Variants in POLA1 observed in about 807,000 individuals in gnomAD.
POLA1 encodes the protein DNA polymerase alpha catalytic subunit.
A neutral mutation model predicts 124.0 loss-of-function variants in POLA1; 15 were observed. The observed-to-expected ratio is 0.12, with a 90% CI of 0.08 to 0.19. The LOEUF (loss-of-function observed/expected upper bound fraction) is 0.19, where lower values mean the gene tolerates loss of function less well. Among genes scored for constraint, POLA1 ranks in the 10% least tolerant of loss-of-function variants. The pLI, the probability that POLA1 is intolerant of heterozygous loss-of-function variation, is 1.00. For synonymous variants in POLA1, 408 were observed against 389.4 expected, an observed-to-expected ratio of 1.05 and a Z score of -0.56; for missense variants, 886 against 1,103.4, an observed-to-expected ratio of 0.80 and a Z score of 2.79.
At position 24,727,087 on chromosome X, in the gene POLA1, T is replaced by C. The variant is rs774533463; in HGVS notation, c.1531+16T>C. On this transcript the variant is annotated intron_variant, in intron 14 of 36. Transcript: ENST00000379068. ...AAAAGTCCACGTAAGGAAAAATACA[T>C]GCTCAGAATGCTGAATAGATTGCTG... The C allele has an allele frequency of 3.4e-5, 40 of 1,161,439 alleles. No individual in the cohort carries two copies. Among genetic ancestry groups the C allele is most frequent in the Non-Finnish European group, 4.0e-5 (34 of 859,595 alleles).
chrX:24,797,625 TGA>T (rs1473084356), intron 26 of POLA1, among the ~76,000 whole-genome samples: 1 of 112,268 alleles, frequency 8.9e-6, no homozygotes, highest in Non-Finnish European at 1.9e-5. Context: ...GTCTAGCACA[TGA>T]GAAGAGTTTA....
chrX:24,733,810 GA>G lies in POLA1; in HGVS notation c.1832del (p.Lys611ArgfsTer3). 1 of 1,112,165 alleles carries G rather than the reference GA, an allele frequency of 9.0e-7. No homozygotes were observed. Among genetic ancestry groups the G allele is most frequent in the Non-Finnish European group, 1.2e-6 (1 of 811,611 alleles). 91.7% of individuals were successfully genotyped at this position (1,112,165 alleles called of 1,213,427 possible). ...FPYAFKEVIE[K>X]KNVKVEVAAT... ...CATATGCTTTCAAAGAAGTCATTGAGAAAAAGGTAAAGTGCTCATTATATGA... is the reference window on the plus strand; with the variant it reads ...CATATGCTTTCAAAGAAGTCATTGAGAAAAGGTAAAGTGCTCATTATATGA... On this transcript the variant is annotated frameshift_variant, in exon 17 of 37. Coordinates refer to ENST00000379068, the MANE Select transcript of POLA1 (RefSeq NM_001330360.2). LOFTEE classifies it high-confidence loss of function.
intron 24 of POLA1, among the ~76,000 whole-genome samples, chrX:24,747,187 T>C (rs915099627): frequency 4.6e-5 from 5 of 107,674 alleles, no homozygotes; most frequent in African/African-American, 1.4e-4. Context: ...TTTTTGGAGA[T>C]GGAATTTCGC....
At chrX:24,753,049 T>C (rs1397679900) in intron 26 of POLA1, among the ~76,000 whole-genome samples, 2 of 110,574 alleles carry the variant, frequency 1.8e-5, no homozygotes, top group Non-Finnish European at 3.8e-5. Flanking sequence ...TCTCTCTCTG[T>C]TGCCCAGGCT....
At position 24,996,937 on chromosome X, in the gene POLA1, A is replaced by G. The variant is rs1157220038; in HGVS notation, c.*987A>G. ...ATTGACCTGTGTGTTTTTATAAAAGAAAAAGTATGTTGTGCCTTCTTCTTA... is the reference window on the plus strand; with the variant it reads ...ATTGACCTGTGTGTTTTTATAAAAGGAAAAGTATGTTGTGCCTTCTTCTTA... On this transcript the variant is annotated 3_prime_UTR_variant, in exon 37 of 37. Coordinates refer to ENST00000379068, the MANE Select transcript of POLA1 (RefSeq NM_001330360.2). The G allele has an allele frequency of 8.9e-6, 1 of 112,047 alleles. No homozygotes were observed. Among genetic ancestry groups the G allele is most frequent in the African/African-American group, 3.2e-5 (1 of 30,772 alleles). 9.2% of individuals were successfully genotyped at this position (112,047 alleles called of 1,213,427 possible). A position where few individuals can be genotyped will look rare whatever the true frequency, so the allele number is the denominator to read the frequency against.
chrX:24,793,180 G>A (rs2045539084), intron 26 of POLA1, among the ~76,000 whole-genome samples: 1 of 104,100 alleles, frequency 9.6e-6, no homozygotes, highest in African/African-American at 3.5e-5. Context: ...GGGAGGCTGA[G>A]GCAGGAGAAT....
chrX:24,887,853 CTAAT>C (rs1223071714), intron 34 of POLA1, among the ~76,000 whole-genome samples, 149 bp from the exon 35 acceptor site: 6 of 106,233 alleles, frequency 5.6e-5, no homozygotes, highest in African/African-American at 2.1e-4. Context: ...ATAGATCTAT[CTAAT>C]TAACATGTCA....
At chrX:24,915,774 GGGGGT>G (rs2047520632) in intron 35 of POLA1, among the ~76,000 whole-genome samples, 1 of 111,730 alleles carries the variant, frequency 9.0e-6, no homozygotes, top group Non-Finnish European at 1.9e-5. Flanking sequence ...CATATTTCAG[GGGGGT>G]GCATTACTTT....
At chrX:24,792,616 C>T (rs771948592) in intron 26 of POLA1, among the ~76,000 whole-genome samples, 1 of 111,955 alleles carries the variant, frequency 8.9e-6, no homozygotes, top group Non-Finnish European at 1.9e-5. Context: ...GCTAGCTTTC[C>T]TGCTTATGTT....
At chrX:24,869,858 G>A (rs1031146820) in intron 34 of POLA1, among the ~76,000 whole-genome samples, 2 of 111,241 alleles carry the variant, frequency 1.8e-5, no homozygotes, top group African/African-American at 6.5e-5. Context: ...CGCTCCAGGT[G>A]TCCCAGGTAA....
At chrX:24,874,913 A>G (rs769523232) in intron 34 of POLA1, among the ~76,000 whole-genome samples, 8 of 112,070 alleles carry the variant, frequency 7.1e-5, no homozygotes, top group South Asian at 7.4e-4. Context: ...GATGGGTTTT[A>G]TATTGAGTGC....
chrX:24,827,646 G>A (rs749142835), intron 32 of POLA1, among the ~76,000 whole-genome samples: 104 of 112,028 alleles, frequency 9.3e-4, no homozygotes, highest in African/African-American at 3.1e-3. Flanking sequence ...ATAGGGACCC[G>A]GGTTTCAGTG....
At chrX:24,984,511 C>A (rs1200131881) in intron 36 of POLA1, among the ~76,000 whole-genome samples, 2 of 111,054 alleles carry the variant, frequency 1.8e-5, no homozygotes, top group Non-Finnish European at 3.8e-5. Flanking sequence ...ACATGGCCTA[C>A]CATCAACGTT....
intron 22 of POLA1, 50 bp downstream of exon 22, chrX:24,742,171 C>A (rs201164972): frequency 5.3e-6 from 3 of 571,191 alleles, no homozygotes; most frequent in Non-Finnish European, 5.2e-6. Context: ...CCCCCCCCCC[C>A]TTTTAATACC....
chrX:24,922,224 G>A (rs989167289), intron 35 of POLA1, among the ~76,000 whole-genome samples: 3 of 99,590 alleles, frequency 3.0e-5, no homozygotes, highest in South Asian at 9.8e-4. Context: ...ACAGACATGC[G>A]CTATCATACC....
intron 15 of POLA1, among the ~76,000 whole-genome samples, chrX:24,728,766 T>C (rs941297128): frequency 8.9e-6 from 1 of 112,172 alleles, no homozygotes; most frequent in East Asian, 2.8e-4. Flanking sequence ...CAAATTTCAC[T>C]GGAAGACAGC....
chrX:24,805,192 A>G (rs1170699131), intron 26 of POLA1, among the ~76,000 whole-genome samples: 1 of 110,393 alleles, frequency 9.1e-6, no homozygotes, highest in Admixed American at 9.7e-5. Flanking sequence ...CAAAGCCTGC[A>G]ATGATTGATA....
chrX:24,967,036 T>C (rs1312609743), intron 36 of POLA1, among the ~76,000 whole-genome samples: 2 of 111,276 alleles, frequency 1.8e-5, no homozygotes, highest in African/African-American at 3.3e-5. Flanking sequence ...GAAAGATGGG[T>C]TCTTTTTTGT....
intron 35 of POLA1, among the ~76,000 whole-genome samples, chrX:24,893,643 C>T (rs7473533): frequency 1.3e-4 from 15 of 111,757 alleles, no homozygotes; most frequent in African/African-American, 3.3e-4. Flanking sequence ...TGAAATTATA[C>T]GATATGTAAC....
Sources: allele counts gnomAD v4.1 joint callset (sites outside exome capture counted in the v4.1 genomes callset), GRCh38; gene constraint gnomAD v4.1.1; transcripts MANE v1.5; gene names NCBI Gene and HGNC (gene_info 2026-07-23, HGNC 2026-07-21).